DOK3: variants seen among roughly 807,000 people sequenced by gnomAD.
DOK3 encodes the protein Dok-like protein.
In DOK3, 23 loss-of-function variants were observed where a neutral mutation model predicts 26.2. That is an observed-to-expected ratio of 0.88 (90% CI 0.63 to 1.24). The LOEUF (loss-of-function observed/expected upper bound fraction) is 1.24, where lower values mean the gene tolerates loss of function less well. Among genes scored for constraint, DOK3 ranks in the 50% most tolerant of loss-of-function variants. The probability of loss-of-function intolerance (pLI) is 0.00; values close to 1 mark genes in which losing one functional copy is unlikely to be tolerated. For synonymous variants in DOK3, 268 were observed against 268.2 expected (o/e 1.00, Z 0.01); for missense variants, 619 against 610.6 (o/e 1.01, Z -0.15).
chr5:177,506,505 TG>T (rs1467097427), intron 3 of DOK3, among the ~76,000 whole-genome samples: 1 of 150,222 alleles, frequency 6.7e-6, no homozygotes. Context: ...AGCTAATTTT[TG>T]TAATTTTTTT....
At chr5:177,507,687 C>A (rs969974486) in intron 3 of DOK3, among the ~76,000 whole-genome samples, 2 of 152,230 alleles carry the variant, frequency 1.3e-5, no homozygotes, top group Non-Finnish European at 2.9e-5. Flanking sequence ...CCCAGGCTCA[C>A]TTCCTTTTGA....
Position 177,503,156 on chromosome 5 carries a change from CCAGGAG to C in DOK3, c.*821_*826del, listed in dbSNP as rs1341635955. 6.7e-5 allele frequency: 102 copies of C among 1,518,670 alleles called. No homozygotes were observed. In the Admixed American group the frequency reaches 2.1e-3, roughly 31 times the overall value. The allele number at this position is 1,518,670 out of a possible 1,614,324, so 94.1% of individuals were successfully genotyped here. On this transcript the variant is annotated 3_prime_UTR_variant, in exon 6 of 6. Coordinates refer to ENST00000510898, the MANE Select transcript of DOK3 (RefSeq NM_001308236.3). ...TGCGTGGCTGGCTCCTAGGATGGCG[CCAGGAG>C]CAGGAGCAGAGGAGGGAACGCAGCA...
chr5:177,507,757 C>G (rs930552284), intron 3 of DOK3, among the ~76,000 whole-genome samples: 1 of 152,338 alleles, frequency 6.6e-6, no homozygotes, highest in East Asian at 1.9e-4. Flanking sequence ...CCAAAGCCTT[C>G]GCCTCTCACT....
chr5:177,510,603 G>A (rs138844190), upstream of DOK3: 1 of 152,528 alleles, frequency 6.6e-6, no homozygotes, highest in East Asian at 1.9e-4. Flanking sequence ...CATGGAAGAG[G>A]ATAAGGAATG....
chr5:177,504,100 C>T lies in DOK3; in HGVS notation c.1206G>A (p.Glu402=). 6.2e-7 allele frequency: 1 copy of T among 1,612,730 alleles called. No homozygotes were observed. Among genetic ancestry groups the T allele is most frequent in the Non-Finnish European group, 8.5e-7 (1 of 1,179,540 alleles). The stretch of plus-strand genomic sequence containing the variant: ...GGCCTGTGCCCTCCACCTGATCCAG[C>T]TCCAGCAGCCGCCGGTACTGGGCCT... The part of the protein sequence containing the change: ...TLEAQYRRLL[E]LDQVEGTGRP... The change falls in exon 6 of 6, where the codon GAG becomes GAA. Residue 402 remains glutamate (E), a synonymous_variant. Coordinates refer to ENST00000510898, the MANE Select transcript of DOK3 (RefSeq NM_001308236.3).
Position 177,504,545 on chromosome 5 carries a change from T to C in DOK3, c.761A>G (p.Gln254Arg). The change falls in exon 6 of 6, where the codon CAG (glutamine) becomes CGG (arginine). Residue 254 changes from glutamine to arginine, a missense_variant. Transcript: ENST00000510898. ...GGTCAGCTCTGGCAGCCGCTCCCGC[T>C]GGCGGGCGATGGCCCCGGCCACAGC... is the stretch of plus-strand genomic sequence containing the variant. ...CRAVAGAIAR[Q>R]RERLPELTRP... is the part of the protein sequence containing the mutation. 6.3e-7 allele frequency: 1 copy of C among 1,592,140 alleles called. No homozygotes were observed.
intron 3 of DOK3, 119 bp downstream of exon 3, chr5:177,508,118 C>G: frequency 8.0e-7 from 1 of 1,249,434 alleles, no homozygotes; most frequent in Non-Finnish European, 1.1e-6. Context: ...TATAGATTTA[C>G]TTTTCCCAGG....
rs1759688495 is a variant in DOK3, at chr5:177,504,124, C to G, written c.1182G>C (p.Glu394Asp). 1 of 1,613,870 alleles carries G rather than the reference C, an allele frequency of 6.2e-7. No individual in the cohort carries two copies. Among genetic ancestry groups the G allele is most frequent in the Non-Finnish European group, 8.5e-7 (1 of 1,179,896 alleles). ...WPGPANDSTL[E>D]AQYRRLLELD... ...GCTCCAGCAGCCGCCGGTACTGGGC[C>G]TCCAGGGTACTGTCGTTGGCCGGGC... Residue 394 changes from glutamate to aspartate, a missense_variant, in exon 6 of 6, where the codon GAG (glutamate) becomes GAC (aspartate). By Grantham distance (45) the Glu-to-Asp change is conservative (BLOSUM62 2). Transcript: ENST00000510898.
In DOK3 at chr5:177,502,767, G is replaced by A; in HGVS notation, c.*1216C>T. ...TTTCTCTGGCTGTGGGCAGCTGTGT[G>A]CAGGCACTGAGGAGGTCTGGGCTCG... is the stretch of plus-strand genomic sequence containing the variant. On this transcript the variant is annotated 3_prime_UTR_variant, in exon 6 of 6. Transcript: ENST00000510898. 1 of 454,570 alleles carries A rather than the reference G, an allele frequency of 2.2e-6. No homozygotes were observed. Among genetic ancestry groups the A allele is most frequent in the East Asian group, 3.4e-5 (1 of 29,018 alleles). 28.2% of individuals were successfully genotyped at this position (454,570 alleles called of 1,614,324 possible). A position where few individuals can be genotyped will look rare whatever the true frequency, so the allele number is the denominator to read the frequency against.
At chr5:177,508,216 C>G in intron 3 of DOK3, 21 bp downstream of exon 3, 2 of 1,306,250 alleles carry the variant, frequency 1.5e-6, no homozygotes, top group Non-Finnish European at 1.9e-6. Flanking sequence ...GCCCAATCGC[C>G]CCCCTGCTCG....
At chr5:177,505,202 G>T in intron 3 of DOK3, 92 bp from the exon 4 acceptor site, 1 of 1,162,306 alleles carries the variant, frequency 8.6e-7, no homozygotes. Context: ...AAGCCAGGGG[G>T]CATCCAGGGG....
chr5:177,510,066 G>A, upstream of DOK3: 1 of 665,606 alleles, frequency 1.5e-6, no homozygotes, highest in Non-Finnish European at 2.6e-6. Flanking sequence ...ACGAGCCACT[G>A]AACATCACCA....
chr5:177,502,841 C>G lies in DOK3; in HGVS notation c.*1142G>C, dbSNP rs1163770192. On this transcript the variant is annotated 3_prime_UTR_variant, in exon 6 of 6. Transcript: ENST00000510898. ...ACCAGTAAGATGAAACGAGAGAGAA[C>G]AGGGGGAAGGGACTATGGAGAACAA... 3 of 562,442 alleles carry G rather than the reference C, an allele frequency of 5.3e-6. No homozygotes were observed. The highest frequency in any genetic ancestry group is 3.2e-5 in the Admixed American group (1 of 31,136). The allele number at this position is 562,442 out of a possible 1,614,324, so 34.8% of individuals were successfully genotyped here. A position where few individuals can be genotyped will look rare whatever the true frequency, so the allele number is the denominator to read the frequency against.
intron 2 of DOK3, 141 bp downstream of exon 2, chr5:177,509,334 C>T (rs1332276384): frequency 2.6e-6 from 3 of 1,144,126 alleles, no homozygotes; most frequent in Admixed American, 2.5e-5. Flanking sequence ...ATTCCACTCC[C>T]CATACCTGGG....
In DOK3 at chr5:177,509,620, C is replaced by G; in HGVS notation, c.-80G>C. 6.3e-7 allele frequency: 1 copy of G among 1,592,564 alleles called. No individual in the cohort carries two copies. The highest frequency in any genetic ancestry group is 8.6e-7 in the Non-Finnish European group (1 of 1,167,838). ...GCTGGACGGGAACTCCTCACACTTCCCCTTCTGGCCACTTCCCGTCCCTCC... is the reference window on the plus strand; with the variant it reads ...GCTGGACGGGAACTCCTCACACTTCGCCTTCTGGCCACTTCCCGTCCCTCC... On this transcript the variant is annotated 5_prime_UTR_variant, in exon 2 of 6. Transcript: ENST00000510898.
At chr5:177,508,862 C>T in intron 2 of DOK3, 1 of 337,296 alleles carries the variant, frequency 3.0e-6, no homozygotes, top group Middle Eastern at 7.6e-4. Context: ...CCAGACACTG[C>T]CATTATATTG....
At chr5:177,510,637 G>C (rs995552544), upstream of DOK3, 1 of 152,384 alleles carries the variant, frequency 6.6e-6, no homozygotes, top group African/African-American at 2.4e-5. Context: ...CACTTGGCCA[G>C]GAAATATGTC....
chr5:177,504,567 C>T lies in DOK3; in HGVS notation c.739G>A (p.Val247Met). The change falls in exon 6 of 6, where the codon GTG (valine) becomes ATG (methionine). Residue 247 changes from valine (V) to methionine (M), a missense_variant. Coordinates refer to ENST00000510898, the MANE Select transcript of DOK3 (RefSeq NM_001308236.3). ...CGCTGGCGGGCGATGGCCCCGGCCA[C>T]AGCCCTGCACAGGTCAGGGGCACAG... Reference protein sequence around the residue: ...TPCAPDLCRAVAGAIARQRER... With the variant: ...TPCAPDLCRAMAGAIARQRER... The T allele has an allele frequency of 6.2e-7, 1 of 1,601,242 alleles. No individual in the cohort carries two copies. Among genetic ancestry groups the T allele is most frequent in the Non-Finnish European group, 8.5e-7 (1 of 1,175,740 alleles).
At chr5:177,505,162 T>C (rs774478286) in intron 3 of DOK3, 52 bp from the exon 4 acceptor site, 16 of 1,468,820 alleles carry the variant, frequency 1.1e-5, no homozygotes, top group Non-Finnish European at 1.4e-5. Context: ...CCATGCCCTG[T>C]CCCCTCCCCT....
Sources: gnomAD v4.1 joint callset for allele counts (sites outside exome capture counted in the v4.1 genomes callset) on GRCh38, gnomAD v4.1.1 for gene constraint, MANE v1.5 for transcripts, NCBI Gene and HGNC (gene_info 2026-07-23, HGNC 2026-07-21) for gene names.